EIF2AK3: variants seen among roughly 807,000 people sequenced by gnomAD.
EIF2AK3 encodes the protein eukaryotic translation initiation factor 2-alpha kinase 3.
EIF2AK3 carries 50 observed loss-of-function variants against 113.5 expected under a neutral mutation model. That is an observed-to-expected ratio of 0.44 (90% confidence interval 0.35 to 0.56). The LOEUF (loss-of-function observed/expected upper bound fraction) is 0.56. EIF2AK3 is among the 20% of genes least tolerant of loss of function. The probability of loss-of-function intolerance (pLI) is 0.00; values close to 1 mark genes in which losing one functional copy is unlikely to be tolerated. For synonymous variants in EIF2AK3, 448 were observed against 495.4 expected (o/e 0.90, Z 1.27); for missense variants, 1,185 against 1,378.0 (o/e 0.86, Z 2.22).
At chr2:88,616,951 A>G (rs928438113) in intron 1 of EIF2AK3, among the ~76,000 whole-genome samples, 9 of 152,190 alleles carry the variant, frequency 5.9e-5, no homozygotes, top group African/African-American at 2.2e-4. Context: ...AGCCAGCTGT[A>G]GTATTCATTA....
chr2:88,587,953 A>G, intron 8 of EIF2AK3, 29 bp downstream of exon 8: 4 of 1,447,232 alleles, frequency 2.8e-6, no homozygotes, highest in Non-Finnish European at 3.8e-6. Context: ...TAAAAAATAA[A>G]ATAAATAAAA....
chr2:88,627,003 T>C lies in EIF2AK3; in HGVS notation c.272A>G (p.Glu91Gly), dbSNP rs774936605. ...TCGCAACTCTGTCTCATCGTCTGGT[T>C]CCGGACCCCGAGGCTCCTGCTCTCC... is the stretch of plus-strand genomic sequence containing the variant. ...AAGEQEPRGP[E>G]PDDETELRPR... is the part of the protein sequence containing the mutation. Residue 91 changes from glutamate (E) to glycine (G), a missense_variant, in exon 1 of 17, where the codon GAA (glutamate) becomes GGA (glycine). Glu to Gly is a moderately conservative substitution (Grantham distance 98). This residue lies in a region of EIF2AK3 where 189 missense variants were observed against 175.2 expected (regional missense o/e 1.08). Transcript: ENST00000303236. 6 of 1,608,728 alleles carry C rather than the reference T, an allele frequency of 3.7e-6. No individual in the cohort carries two copies. In the South Asian group the frequency reaches 6.6e-5, roughly 18 times the overall value.
chr2:88,570,712 C>G (rs1558646242), intron 14 of EIF2AK3, among the ~76,000 whole-genome samples, 162 bp downstream of exon 14: 1 of 152,198 alleles, frequency 6.6e-6, no homozygotes, highest in Non-Finnish European at 1.5e-5. Context: ...GAAACTACAT[C>G]TTAGCTGTGT....
At chr2:88,608,908 A>AT (rs1675362762) in intron 2 of EIF2AK3, among the ~76,000 whole-genome samples, 1 of 126,910 alleles carries the variant, frequency 7.9e-6, no homozygotes, top group Non-Finnish European at 1.7e-5. Context: ...TGTATTTTGT[A>AT]TTTTTTGTAG....
At chr2:88,609,238 C>T (rs965596075) in intron 2 of EIF2AK3, among the ~76,000 whole-genome samples, 1 of 152,104 alleles carries the variant, frequency 6.6e-6, no homozygotes, top group Non-Finnish European at 1.5e-5. Flanking sequence ...CTATCATATA[C>T]CAATTAAGTA....
intron 6 of EIF2AK3, among the ~76,000 whole-genome samples, chr2:88,589,159 G>A (rs1303364875): frequency 1.3e-5 from 2 of 152,114 alleles, no homozygotes; most frequent in Non-Finnish European, 2.9e-5. Flanking sequence ...AATTGTTCCA[G>A]TAGAAAAATT....
At chr2:88,562,139 ACTC>A in intron 15 of EIF2AK3, 147 bp downstream of exon 15, 1 of 662,656 alleles carries the variant, frequency 1.5e-6, no homozygotes, top group Non-Finnish European at 2.7e-6. Context: ...ATAGTCTAGA[ACTC>A]CTCTCTGTGT....
intron 2 of EIF2AK3, among the ~76,000 whole-genome samples, chr2:88,611,972 G>A (rs1675468440): frequency 1.3e-5 from 2 of 152,128 alleles, no homozygotes; most frequent in African/African-American, 4.8e-5. Flanking sequence ...ATCTAGGATT[G>A]GGGGTGGGTG....
At chr2:88,566,452 T>A (rs1337552090) in intron 14 of EIF2AK3, among the ~76,000 whole-genome samples, 1 of 152,168 alleles carries the variant, frequency 6.6e-6, no homozygotes, top group Non-Finnish European at 1.5e-5. Flanking sequence ...GCTTCTTTCA[T>A]CATTTTCTTA....
intron 6 of EIF2AK3, 138 bp downstream of exon 6, chr2:88,590,305 A>G: frequency 1.1e-6 from 1 of 876,412 alleles, no homozygotes; most frequent in Non-Finnish European, 1.8e-6. Flanking sequence ...CGAAGTATAA[A>G]TCTCAAGGGC....
intron 2 of EIF2AK3, among the ~76,000 whole-genome samples, chr2:88,613,390 C>G (rs1382117258): frequency 6.6e-6 from 1 of 152,076 alleles, no homozygotes; most frequent in Non-Finnish European, 1.5e-5. Context: ...TTATATTTAT[C>G]TTATTATTCC....
intron 1 of EIF2AK3, among the ~76,000 whole-genome samples, chr2:88,622,426 AG>A (rs1413429949): frequency 2.6e-5 from 4 of 152,258 alleles, no homozygotes; most frequent in Non-Finnish European, 5.9e-5. Context: ...CTGAAGCTAC[AG>A]CTCACAGCAA....
rs1313895621 is a variant in EIF2AK3 at position 88,585,883 on chromosome 2, T to C, written c.1608A>G (p.Thr536=). Reference sequence around the variant, plus strand: ...GGAAAAGCCTGCGCACAATAAACGTTGTTGCTATGATACAAAACAAAATCG... The same window carrying C: ...GGAAAAGCCTGCGCACAATAAACGTCGTTGCTATGATACAAAACAAAATCG... The part of the protein sequence containing the change: ...VATILFCIIA[T]TFIVRRLFHP... Residue 536 remains threonine, a synonymous_variant, in exon 9 of 17, where the codon ACA becomes ACG. Transcript: ENST00000303236. The C allele has an allele frequency of 1.2e-6, 2 of 1,614,112 alleles. No individual in the cohort carries two copies. Among genetic ancestry groups the C allele is most frequent in the Admixed American group, 1.7e-5 (1 of 60,028 alleles).
chr2:88,617,575 G>A (rs1262717311), intron 1 of EIF2AK3, among the ~76,000 whole-genome samples: 2 of 151,970 alleles, frequency 1.3e-5, no homozygotes, highest in African/African-American at 4.8e-5. Flanking sequence ...CCAACGTGGT[G>A]AAACCCCATC....
intron 15 of EIF2AK3, among the ~76,000 whole-genome samples, chr2:88,559,718 G>A (rs1673890899): frequency 6.6e-6 from 1 of 152,052 alleles, no homozygotes; most frequent in African/African-American, 2.4e-5. Flanking sequence ...TATAAAAGTG[G>A]ACTTTTGTGT....
intron 14 of EIF2AK3, among the ~76,000 whole-genome samples, chr2:88,567,884 C>T (rs1232938794): frequency 1.3e-5 from 2 of 152,142 alleles, no homozygotes; most frequent in African/African-American, 4.8e-5. Flanking sequence ...TCCTCCTTTA[C>T]ACAAAAGGTG....
At chr2:88,607,678 C>T (rs1008547738) in intron 2 of EIF2AK3, among the ~76,000 whole-genome samples, 1 of 152,200 alleles carries the variant, frequency 6.6e-6, no homozygotes, top group African/African-American at 2.4e-5. Flanking sequence ...CAACAAAATA[C>T]ACTATTCTGT....
intron 2 of EIF2AK3, among the ~76,000 whole-genome samples, chr2:88,606,333 GC>G (rs1675276094): frequency 6.6e-6 from 1 of 151,774 alleles, no homozygotes; most frequent in African/African-American, 2.4e-5. Flanking sequence ...AAAAAACAGG[GC>G]CAAATCAGTT....
At chr2:88,617,403 C>T (rs1675612205) in intron 1 of EIF2AK3, among the ~76,000 whole-genome samples, 1 of 152,184 alleles carries the variant, frequency 6.6e-6, no homozygotes, top group Non-Finnish European at 1.5e-5. Flanking sequence ...AAATCAAATA[C>T]TGCATGTTCT....
Sources: gnomAD v4.1 joint callset for allele counts (sites outside exome capture counted in the v4.1 genomes callset) on GRCh38, gnomAD v4.1.1 for gene constraint, gnomAD v4.1.1 regional missense constraint, MANE v1.5 for transcripts, NCBI Gene and HGNC (gene_info 2026-07-23, HGNC 2026-07-21) for gene names.